The following SNX31 variants were observed in gnomAD, a reference collection of about 807,000 sequenced individuals.
SNX31 encodes sorting nexin-31.
In SNX31, 58 loss-of-function variants were observed where a neutral mutation model predicts 65.4. That is an observed-to-expected ratio of 0.89 (90% confidence interval 0.72 to 1.10). SNX31 has a LOEUF of 1.10. SNX31 is among the 50% of genes least tolerant of loss of function. The pLI is 0.00. For synonymous variants in SNX31, 181 were observed against 190.1 expected, an observed-to-expected ratio of 0.95 and a Z score of 0.39; for missense variants, 523 against 529.7, an observed-to-expected ratio of 0.99 and a Z score of 0.12.
At chr8:100,621,902 G>A (rs1482593818) in intron 4 of SNX31, among the ~76,000 whole-genome samples, 1 of 152,214 alleles carries the variant, frequency 6.6e-6, no homozygotes, top group African/African-American at 2.4e-5. Context: ...GGAAGGGCAG[G>A]GTCCTCGCCT....
rs1381721053 is a variant in SNX31 at position 100,645,384 on chromosome 8, A to G, written c.141+3890T>C. On this transcript the variant is annotated intron_variant, in intron 2 of 13. Coordinates refer to ENST00000311812, the MANE Select transcript of SNX31 (RefSeq NM_152628.4). ...ACATCCTCCACTGAATAGGAGAAAT[A>G]AAAACTAGCTGAGAAATATCTGGGA... Among the ~76,000 whole-genome samples, 5 of 152,212 alleles carry G rather than the reference A, an allele frequency of 3.3e-5. No homozygotes were observed. In the East Asian group the frequency reaches 9.6e-4, roughly 29 times the overall value.
At chr8:100,634,433 C>T (rs1818610901) in intron 3 of SNX31, among the ~76,000 whole-genome samples, 1 of 152,042 alleles carries the variant, frequency 6.6e-6, no homozygotes, top group Non-Finnish European at 1.5e-5. Context: ...AGCCAAAATA[C>T]AGCACCCAAG....
At chr8:100,628,813 G>GGTGTGTGT (rs35911139) in intron 4 of SNX31, among the ~76,000 whole-genome samples, 23 of 144,090 alleles carry the variant, frequency 1.6e-4, no homozygotes, top group East Asian at 4.0e-4. Context: ...AAATAAAATG[G>GGTGTGTGT]GTGTGTGTGT....
intron 1 of SNX31, among the ~76,000 whole-genome samples, chr8:100,661,499 CT>C (rs1020786155): frequency 7.2e-5 from 11 of 152,026 alleles, no homozygotes; most frequent in South Asian, 2.1e-4. Context: ...ACCTGAGGCC[CT>C]GTGTTAAAAA....
In SNX31 at chr8:100,612,100, G is replaced by GA. The variant is rs1816763420; in HGVS notation, c.524-14dup. The GA allele has an allele frequency of 4.4e-6, 7 of 1,595,912 alleles. No individual in the cohort carries two copies. The highest frequency in any genetic ancestry group is 6.0e-6 in the Non-Finnish European group (7 of 1,163,516). ...AATTTTTTCACAACTAGAGAAAGGAGAAAGCCGGTCTTACTGGTTGAAACA... is the reference window on the plus strand; with the variant it reads ...AATTTTTTCACAACTAGAGAAAGGAGAAAAGCCGGTCTTACTGGTTGAAACA... On this transcript the variant is annotated splice_polypyrimidine_tract_variant and intron_variant, in intron 6 of 13. Transcript: ENST00000311812. The surrounding 1 kb of genome is among the most constrained non-coding windows in gnomAD (Gnocchi z 4.3).
chr8:100,623,658 G>A (rs1048647457), intron 4 of SNX31, among the ~76,000 whole-genome samples: 5 of 152,102 alleles, frequency 3.3e-5, no homozygotes, highest in East Asian at 3.9e-4. Context: ...TTTAAAAGGT[G>A]CCCTTCCTCC....
In SNX31 at chr8:100,615,825, A is replaced by G. The variant is rs533221782; in HGVS notation, c.432+1795T>C. 2.2e-4 allele frequency among the ~76,000 whole-genome samples: 34 copies of G among 152,328 alleles called. No individual in the cohort carries two copies. The East Asian group carries it at 6.4e-3, about 28-fold the overall frequency. Reference sequence around the variant, plus strand: ...TGCTCTGTCGCCCAGGCTGGAGTGCAGTGGCGCGATCTCGGCTCACTGCAA... The same window carrying G: ...TGCTCTGTCGCCCAGGCTGGAGTGCGGTGGCGCGATCTCGGCTCACTGCAA... On this transcript the variant is annotated intron_variant, in intron 5 of 13. Transcript: ENST00000311812.
At chr8:100,640,504 A>T (rs763990459) in intron 2 of SNX31, among the ~76,000 whole-genome samples, 2 of 152,228 alleles carry the variant, frequency 1.3e-5, no homozygotes, top group African/African-American at 2.4e-5. Context: ...GCATGTAGTG[A>T]CTTCCTTCCA....
At chr8:100,617,413 T>A (rs1284300092) in intron 5 of SNX31, among the ~76,000 whole-genome samples, 2 of 152,054 alleles carry the variant, frequency 1.3e-5, no homozygotes, top group Non-Finnish European at 2.9e-5. Flanking sequence ...CCAGGGAGGG[T>A]GAAATCAAAG....
rs1051935620 is a variant in SNX31 at position 100,578,575 on chromosome 8, T to C, written c.1171-1500A>G. ...GCAAAAAAGCATTACCTTTCAACTA[T>C]GGTTAACTTTGTTGTAAAATCAATT... On this transcript the variant is annotated intron_variant, in intron 12 of 13. Coordinates refer to ENST00000311812, the MANE Select transcript of SNX31 (RefSeq NM_152628.4). The surrounding 1 kb of genome is among the most constrained non-coding windows in gnomAD (Gnocchi z 4.7). Among the ~76,000 whole-genome samples the C allele has an allele frequency of 2.4e-4, 37 of 152,274 alleles. No individual in the cohort carries two copies. Among genetic ancestry groups the C allele is most frequent in the African/African-American group, 8.7e-4 (36 of 41,552 alleles).
At position 100,626,124 on chromosome 8, in the gene SNX31, G is replaced by A. The variant is rs1325547026; in HGVS notation, c.321+4203C>T. 6.6e-6 allele frequency among the ~76,000 whole-genome samples: 1 copy of A among 152,174 alleles called. No individual in the cohort carries two copies. The highest frequency in any genetic ancestry group is 1.5e-5 in the Non-Finnish European group (1 of 68,040). ...GCCTGTAGTCCCAGCAACTCAGGAG[G>A]CTGAGACAGGAGAATCGCTTGAACC... On this transcript the variant is annotated intron_variant, in intron 4 of 13. Coordinates refer to ENST00000311812, the MANE Select transcript of SNX31 (RefSeq NM_152628.4). This position sits in a 1 kb window ranked among gnomAD's most constrained non-coding sequence, Gnocchi z 4.4.
intron 3 of SNX31, among the ~76,000 whole-genome samples, chr8:100,634,573 C>G (rs957655204): frequency 1.3e-5 from 2 of 151,674 alleles, no homozygotes; most frequent in African/African-American, 4.9e-5. Context: ...ATGGTGAAAC[C>G]CCATCTCTAC....
Position 100,573,617 on chromosome 8 carries a change from G to C in SNX31, c.*248C>G, listed in dbSNP as rs542733084. 185 of 293,860 alleles carry C rather than the reference G, an allele frequency of 6.3e-4. 1 individual carries two copies. The highest frequency in any genetic ancestry group is 1.8e-3 in the South Asian group (12 of 6,676). The allele number at this position is 293,860 out of a possible 1,614,324, so 18.2% of individuals were successfully genotyped here. A position where few individuals can be genotyped will look rare whatever the true frequency, so the allele number is the denominator to read the frequency against. ...AGACATTAAAAACAAACTCTATACT[G>C]TCATGACGAAGTGCAAAAATAAAAT... On this transcript the variant is annotated 3_prime_UTR_variant, in exon 14 of 14. Coordinates refer to ENST00000311812, the MANE Select transcript of SNX31 (RefSeq NM_152628.4).
chr8:100,640,003 T>C (rs925090638), intron 2 of SNX31, among the ~76,000 whole-genome samples: 1 of 152,196 alleles, frequency 6.6e-6, no homozygotes, highest in Admixed American at 6.5e-5. Context: ...ACCAACCAAG[T>C]AGTAGTGAAA....
intron 2 of SNX31, among the ~76,000 whole-genome samples, chr8:100,647,843 A>G (rs1819743849): frequency 6.6e-6 from 1 of 152,128 alleles, no homozygotes; most frequent in South Asian, 2.1e-4. Flanking sequence ...TAAGACACTC[A>G]TCCTTTCTCT....
intron 1 of SNX31, among the ~76,000 whole-genome samples, chr8:100,662,973 A>G (rs1184999345): frequency 6.6e-6 from 1 of 152,254 alleles, no homozygotes; most frequent in Non-Finnish European, 1.5e-5. Flanking sequence ...TTGCAACAAC[A>G]TGGATGTAGC....
At chr8:100,639,892 A>T (rs1225718702) in intron 2 of SNX31, among the ~76,000 whole-genome samples, 1 of 152,192 alleles carries the variant, frequency 6.6e-6, no homozygotes, top group Admixed American at 6.5e-5. Context: ...GAAAGTAAGG[A>T]AACATTCAAA....
intron 11 of SNX31, among the ~76,000 whole-genome samples, chr8:100,585,493 A>G (rs1813961611): frequency 6.6e-6 from 1 of 152,146 alleles, no homozygotes; most frequent in Non-Finnish European, 1.5e-5. Flanking sequence ...AATTAGAGGG[A>G]AAATGGGCTA....
At chr8:100,641,434 G>T (rs901179721) in intron 2 of SNX31, among the ~76,000 whole-genome samples, 2 of 148,966 alleles carry the variant, frequency 1.3e-5, no homozygotes, top group Non-Finnish European at 3.0e-5. Context: ...AGCTACTCAG[G>T]AAGTTGAGGT....
Sources: allele counts gnomAD v4.1 joint callset (sites outside exome capture counted in the v4.1 genomes callset), GRCh38; gene constraint gnomAD v4.1.1; non-coding constraint Gnocchi (gnomAD v3.1); transcripts MANE v1.5; gene names NCBI Gene and HGNC (gene_info 2026-07-23, HGNC 2026-07-21).